The following CAMTA1 variants were observed in gnomAD, a reference collection of about 807,000 sequenced individuals.
The protein encoded by CAMTA1 is calmodulin-binding transcription activator 1.
CAMTA1 carries 27 observed loss-of-function variants against 170.9 expected under a neutral mutation model. The ratio of observed to expected loss-of-function variants is 0.16; its 90% confidence interval spans 0.12 to 0.22. The LOEUF (loss-of-function observed/expected upper bound fraction) is 0.22, where lower values mean the gene tolerates loss of function less well. Among genes scored for constraint, CAMTA1 ranks in the 10% least tolerant of loss-of-function variants. The pLI is 1.00. For synonymous variants in CAMTA1, 833 were observed against 891.5 expected (o/e 0.93, Z 1.17); for missense variants, 1,619 against 2,217.2 (o/e 0.73, Z 5.42).
chr1:7,512,196 C>G (rs976540082), intron 6 of CAMTA1, among the ~76,000 whole-genome samples: 1 of 152,172 alleles, frequency 6.6e-6, no homozygotes, highest in Admixed American at 6.5e-5. Flanking sequence ...TTCTGGGTGT[C>G]TGGAATATGC....
intron 6 of CAMTA1, among the ~76,000 whole-genome samples, chr1:7,638,895 G>A (rs1482524872): frequency 2.0e-5 from 3 of 152,144 alleles, no homozygotes; most frequent in African/African-American, 4.8e-5. Context: ...ATCTGAGCTC[G>A]GGGGGCAGAA....
At chr1:7,131,619 AC>A (rs1379346251) in intron 4 of CAMTA1, among the ~76,000 whole-genome samples, 1 of 150,988 alleles carries the variant, frequency 6.6e-6, no homozygotes, top group African/African-American at 2.4e-5. Context: ...TGGCCCCTTC[AC>A]TGAAAACCAA....
chr1:7,232,007 A>G (rs548667491), intron 4 of CAMTA1, among the ~76,000 whole-genome samples: 2 of 152,340 alleles, frequency 1.3e-5, no homozygotes, highest in African/African-American at 4.8e-5. Flanking sequence ...TTGGGGGTGC[A>G]TGCGATGCCG....
chr1:7,440,616 GT>G, intron 5 of CAMTA1, among the ~76,000 whole-genome samples: 1 of 152,248 alleles, frequency 6.6e-6, no homozygotes. Flanking sequence ...GCAGATATTT[GT>G]TTTTCCTTCA....
chr1:7,666,110 A>G (rs2095999071), intron 9 of CAMTA1, among the ~76,000 whole-genome samples: 1 of 151,956 alleles, frequency 6.6e-6, no homozygotes, highest in Non-Finnish European at 1.5e-5. Flanking sequence ...TGGAGGTTGC[A>G]GTGAGTCGAG....
chr1:7,005,554 GT>G (rs1469657170), intron 3 of CAMTA1, among the ~76,000 whole-genome samples: 1 of 152,180 alleles, frequency 6.6e-6, no homozygotes, highest in East Asian at 1.9e-4. Flanking sequence ...GTGCTCGTGG[GT>G]GAGATGGGCC....
At chr1:7,384,097 G>T (rs2087663005) in intron 5 of CAMTA1, among the ~76,000 whole-genome samples, 1 of 152,204 alleles carries the variant, frequency 6.6e-6, no homozygotes, top group African/African-American at 2.4e-5. Context: ...GAAAGAAAAG[G>T]TGGCAGGGGA....
At chr1:6,795,881 C>G (rs1642365263) in intron 1 of CAMTA1, among the ~76,000 whole-genome samples, 1 of 152,162 alleles carries the variant, frequency 6.6e-6, no homozygotes, top group Non-Finnish European at 1.5e-5. Context: ...GCCCATAAAT[C>G]ACTGATAAAA....
chr1:7,258,317 A>G (rs1445215578), intron 5 of CAMTA1, among the ~76,000 whole-genome samples: 1 of 151,822 alleles, frequency 6.6e-6, no homozygotes, highest in Non-Finnish European at 1.5e-5. Flanking sequence ...TAAGCTAGAA[A>G]CTCCCTGATG....
chr1:7,299,145 T>C lies in CAMTA1; in HGVS notation c.438+49519T>C, dbSNP rs77577673. Among the ~76,000 whole-genome samples, 1,128 of 152,338 alleles carry C rather than the reference T, an allele frequency of 7.4e-3. 12 individuals carry two copies. The highest frequency in any genetic ancestry group is 0.025 in the African/African-American group (1,039 of 41,576). ...TCTCTGAAAATTCTGTTTTAAAATA[T>C]GTGCTGGAGGTGGGGAGACCTGATT... On this transcript the variant is annotated intron_variant, in intron 5 of 22. Transcript: ENST00000303635. This position sits in a 1 kb window ranked among gnomAD's most constrained non-coding sequence, Gnocchi z 4.7.
intron 1 of CAMTA1, among the ~76,000 whole-genome samples, chr1:6,812,491 T>C (rs1415288131): frequency 6.6e-6 from 1 of 152,266 alleles, no homozygotes; most frequent in African/African-American, 2.4e-5. Context: ...TTAAACAAAA[T>C]TATCATTAGT....
chr1:7,738,414 A>G lies in CAMTA1; in HGVS notation c.4114A>G (p.Thr1372Ala), dbSNP rs1458644743. The G allele has an allele frequency of 1.2e-6, 2 of 1,614,174 alleles. No individual in the cohort carries two copies. Among genetic ancestry groups the G allele is most frequent in the South Asian group, 1.1e-5 (1 of 91,086 alleles). ...LMMANREVVN[T>A]ELGSYRDSAE... ...GATGGCTAACAGAGAGGTGGTGAAT[A>G]CAGAGCTGGGGTCCTACCGTGATAG... The change falls in exon 16 of 23, where the codon ACA (threonine) becomes GCA (alanine). Residue 1372 changes from threonine to alanine, a missense_variant. Coordinates refer to ENST00000303635, the MANE Select transcript of CAMTA1 (RefSeq NM_015215.4). The surrounding 1 kb of genome is among the most constrained non-coding windows in gnomAD (Gnocchi z 4.9).
chr1:7,483,989 C>T (rs2093580046), intron 6 of CAMTA1, among the ~76,000 whole-genome samples: 1 of 152,194 alleles, frequency 6.6e-6, no homozygotes, highest in Non-Finnish European at 1.5e-5. Flanking sequence ...CTGGGGGAGC[C>T]CCACCTTGGC....
intron 3 of CAMTA1, among the ~76,000 whole-genome samples, chr1:6,880,120 GT>G (rs1006478861): frequency 5.9e-5 from 9 of 151,808 alleles, no homozygotes; most frequent in African/African-American, 1.7e-4. Flanking sequence ...TAGAGACAGG[GT>G]TTTATTCTGT....
chr1:7,527,657 C>T (rs2094445511), intron 6 of CAMTA1, among the ~76,000 whole-genome samples: 1 of 152,222 alleles, frequency 6.6e-6, no homozygotes, highest in South Asian at 2.1e-4. Flanking sequence ...CCAGAATGCT[C>T]ATCGGGCACA....
chr1:7,501,058 C>A (rs150693553), intron 6 of CAMTA1, among the ~76,000 whole-genome samples: 1 of 152,160 alleles, frequency 6.6e-6, no homozygotes, highest in Non-Finnish European at 1.5e-5. Context: ...TCCTCGGAAG[C>A]GGTTACCACC....
chr1:7,192,759 A>G (rs899586751), intron 4 of CAMTA1, among the ~76,000 whole-genome samples: 1 of 152,216 alleles, frequency 6.6e-6, no homozygotes, highest in African/African-American at 2.4e-5. Flanking sequence ...TAGTGGGATT[A>G]TGTAGGTTAC....
In CAMTA1 at chr1:7,041,744, A is replaced by G. The variant is rs1170138150; in HGVS notation, c.235-49560A>G. On this transcript the variant is annotated intron_variant, in intron 3 of 22. Coordinates refer to ENST00000303635, the MANE Select transcript of CAMTA1 (RefSeq NM_015215.4). This position sits in a 1 kb window ranked among gnomAD's most constrained non-coding sequence, Gnocchi z 5.1. Reference sequence around the variant, plus strand: ...AATTGAGACGATATTGATATTCTACATCCGTTTTGAATTCCAAAGAATATC... The same window carrying G: ...AATTGAGACGATATTGATATTCTACGTCCGTTTTGAATTCCAAAGAATATC... Among the ~76,000 whole-genome samples the G allele has an allele frequency of 1.3e-5, 2 of 152,232 alleles. No individual in the cohort carries two copies. Among genetic ancestry groups the G allele is most frequent in the African/African-American group, 4.8e-5 (2 of 41,464 alleles).
intron 3 of CAMTA1, among the ~76,000 whole-genome samples, chr1:7,087,005 G>A (rs530686006): frequency 6.6e-5 from 10 of 152,224 alleles, no homozygotes; most frequent in African/African-American, 2.4e-4. Context: ...GAACATGCAC[G>A]CCCGGAGAGT....
Sources: gnomAD v4.1 joint callset for allele counts (sites outside exome capture counted in the v4.1 genomes callset) on GRCh38, gnomAD v4.1.1 for gene constraint, Gnocchi (gnomAD v3.1) non-coding constraint, MANE v1.5 for transcripts, NCBI Gene and HGNC (gene_info 2026-07-23, HGNC 2026-07-21) for gene names.